The following LRMDA variants were observed in gnomAD, a reference collection of about 807,000 sequenced individuals.
LRMDA encodes the protein leucine-rich melanocyte differentiation-associated protein.
LRMDA carries 18 observed loss-of-function variants against 29.8 expected under a neutral mutation model. The ratio of observed to expected loss-of-function variants is 0.60; its 90% CI spans 0.42 to 0.90. LRMDA has a LOEUF of 0.90. Ranked by LOEUF, LRMDA falls within the 40% of genes least tolerant of loss-of-function variation. LRMDA has a pLI of 0.00. For synonymous variants in LRMDA, 125 were observed against 109.4 expected (o/e 1.14, Z -0.89); for missense variants, 273 against 273.9 (o/e 1.00, Z 0.02).
At chr10:76,066,693 C>T (rs1044525108) in intron 5 of LRMDA, among the ~76,000 whole-genome samples, 1 of 152,144 alleles carries the variant, frequency 6.6e-6, no homozygotes, top group Admixed American at 6.5e-5. Context: ...AATTTTAACC[C>T]TGTGATGACT....
At chr10:76,083,409 G>GC (rs775427984) in intron 5 of LRMDA, among the ~76,000 whole-genome samples, 1 of 152,138 alleles carries the variant, frequency 6.6e-6, no homozygotes, top group African/African-American at 2.4e-5. Context: ...TCCATGTGGG[G>GC]CCCTGTGTAA....
intron 2 of LRMDA, chr10:75,552,479 T>C (rs1263422700): frequency 2.5e-6 from 1 of 401,734 alleles, no homozygotes; most frequent in Non-Finnish European, 5.3e-6. Flanking sequence ...TTTTTAGTAG[T>C]TTTACTATGA....
At position 76,500,919 on chromosome 10, in the gene LRMDA, G is replaced by C; in HGVS notation, c.602-56290G>C. Among the ~76,000 whole-genome samples, 2 of 74,190 alleles carry C rather than the reference G, an allele frequency of 2.7e-5. 1 individual carries two copies. The highest frequency in any genetic ancestry group is 8.9e-5 in the Non-Finnish European group (2 of 22,380). The allele number at this position is 74,190 out of a possible 152,430, so 48.7% of individuals were successfully genotyped here. A position where few individuals can be genotyped will look rare whatever the true frequency, so the allele number is the denominator to read the frequency against. On this transcript the variant is annotated intron_variant, in intron 6 of 6. Transcript: ENST00000611255. Reference sequence around the variant, plus strand: ...TTCAGAGGGGTACATGTGCAGGCTTGTTACATGGGTCTATTGCGTGATGCT... The same window carrying C: ...TTCAGAGGGGTACATGTGCAGGCTTCTTACATGGGTCTATTGCGTGATGCT...
chr10:75,966,661 G>C (rs1846865806), intron 2 of LRMDA, among the ~76,000 whole-genome samples: 1 of 152,226 alleles, frequency 6.6e-6, no homozygotes, highest in Admixed American at 6.5e-5. Context: ...ATGGGCAACA[G>C]TGCTTTAGGA....
In LRMDA at chr10:75,814,039, T is replaced by A. The variant is rs183543187; in HGVS notation, c.132-221969T>A. ...ATTCCCATTTCTGCTTTCATTTGAATGTTTGCCATTCTTCCTTTTGCCTTA... is the reference window on the plus strand; with the variant it reads ...ATTCCCATTTCTGCTTTCATTTGAAAGTTTGCCATTCTTCCTTTTGCCTTA... On this transcript the variant is annotated intron_variant, in intron 2 of 6. Transcript: ENST00000611255. 4.5e-4 allele frequency among the ~76,000 whole-genome samples: 68 copies of A among 152,372 alleles called. 1 individual carries two copies. Among genetic ancestry groups the A allele is most frequent in the Admixed American group, 1.4e-3 (21 of 15,304 alleles).
intron 2 of LRMDA, among the ~76,000 whole-genome samples, chr10:75,825,438 C>G (rs1166045816): frequency 6.6e-6 from 1 of 152,122 alleles, no homozygotes; most frequent in African/African-American, 2.4e-5. Context: ...TGTATTTCTG[C>G]TGTGTTGGTT....
chr10:75,468,020 AGTCAT>A, intron 2 of LRMDA, among the ~76,000 whole-genome samples: 1 of 150,146 alleles, frequency 6.7e-6, no homozygotes, highest in South Asian at 2.1e-4. Flanking sequence ...AGTATTGCTC[AGTCAT>A]ACTTAGGTAG....
At chr10:76,099,490 A>T (rs1260729982) in intron 5 of LRMDA, among the ~76,000 whole-genome samples, 1 of 151,922 alleles carries the variant, frequency 6.6e-6, no homozygotes, top group African/African-American at 2.4e-5. Context: ...CTACTTTCTT[A>T]AGGTAGAAAC....
intron 6 of LRMDA, among the ~76,000 whole-genome samples, chr10:76,421,510 T>A (rs1842071349): frequency 6.6e-6 from 1 of 152,220 alleles, no homozygotes; most frequent in Non-Finnish European, 1.5e-5. Flanking sequence ...ATTAATATAG[T>A]GACATCTTAA....
At chr10:75,708,242 A>G (rs181678498) in intron 2 of LRMDA, among the ~76,000 whole-genome samples, 2 of 152,282 alleles carry the variant, frequency 1.3e-5, no homozygotes, top group Non-Finnish European at 2.9e-5. Flanking sequence ...CGCAGGATGA[A>G]TACCACACTG....
At chr10:75,899,786 G>A (rs1845640802) in intron 2 of LRMDA, among the ~76,000 whole-genome samples, 1 of 152,162 alleles carries the variant, frequency 6.6e-6, no homozygotes, top group Non-Finnish European at 1.5e-5. Flanking sequence ...TGAGGACAGA[G>A]CCCAGGAGAA....
chr10:76,247,223 A>G (rs769855489), intron 5 of LRMDA, among the ~76,000 whole-genome samples: 3 of 152,308 alleles, frequency 2.0e-5, no homozygotes, highest in Middle Eastern at 3.4e-3. Context: ...ATACAAAACT[A>G]CATTTTCTGA....
At chr10:76,349,549 G>A (rs1841149845) in intron 6 of LRMDA, among the ~76,000 whole-genome samples, 1 of 151,850 alleles carries the variant, frequency 6.6e-6, no homozygotes, top group Non-Finnish European at 1.5e-5. Context: ...TGCACTTCCT[G>A]GTTATTTGGG....
chr10:76,335,333 A>G (rs773984069), intron 6 of LRMDA, among the ~76,000 whole-genome samples: 1 of 152,192 alleles, frequency 6.6e-6, no homozygotes, highest in African/African-American at 2.4e-5. Context: ...GGATGAGATT[A>G]TTCTTAGGAC....
intron 5 of LRMDA, among the ~76,000 whole-genome samples, chr10:76,297,441 T>C (rs1025874961): frequency 6.6e-6 from 1 of 152,194 alleles, no homozygotes; most frequent in Admixed American, 6.5e-5. Context: ...GGATTTGAAG[T>C]TAAAGCAGAA....
intron 2 of LRMDA, among the ~76,000 whole-genome samples, chr10:75,872,557 A>G (rs1042275033): frequency 6.6e-6 from 1 of 151,596 alleles, no homozygotes; most frequent in Non-Finnish European, 1.5e-5. Flanking sequence ...GCCTGCCTCA[A>G]CCTCCCAAAG....
At chr10:75,438,318 G>A (rs1844285385) in intron 1 of LRMDA, 76 bp from the exon 2 acceptor site, 3 of 1,121,350 alleles carry the variant, frequency 2.7e-6, no homozygotes, top group South Asian at 2.7e-5. Context: ...GCAATCATTG[G>A]ATCAGTAATT....
At chr10:75,796,665 C>T (rs528947595) in intron 2 of LRMDA, among the ~76,000 whole-genome samples, 60 of 152,278 alleles carry the variant, frequency 3.9e-4, no homozygotes, top group Admixed American at 2.5e-3. Context: ...CTCTGCCTCC[C>T]GGGTTCAAGC....
intron 2 of LRMDA, among the ~76,000 whole-genome samples, chr10:75,475,151 T>C (rs1249912437): frequency 2.0e-5 from 3 of 152,184 alleles, no homozygotes; most frequent in African/African-American, 7.2e-5. Context: ...TGGGGCCTGA[T>C]GCTGCACCCC....
Sources: gnomAD v4.1 joint callset for allele counts (sites outside exome capture counted in the v4.1 genomes callset) on GRCh38, gnomAD v4.1.1 for gene constraint, MANE v1.5 for transcripts, NCBI Gene and HGNC (gene_info 2026-07-23, HGNC 2026-07-21) for gene names.